Variants in PPP2R5A observed in about 807,000 individuals in gnomAD.
PPP2R5A encodes serine/threonine-protein phosphatase 2A 56 kDa regulatory subunit alpha isoform.
A neutral mutation model predicts 64.2 loss-of-function variants in PPP2R5A; 25 were observed. That is an observed-to-expected ratio of 0.39 (90% CI 0.28 to 0.54). The LOEUF (loss-of-function observed/expected upper bound fraction) is 0.54. Among genes scored for constraint, PPP2R5A ranks in the 20% least tolerant of loss-of-function variants. The probability of loss-of-function intolerance (pLI) is 0.67; values close to 1 mark genes in which losing one functional copy is unlikely to be tolerated. For synonymous variants in PPP2R5A, 198 were observed against 201.2 expected, an observed-to-expected ratio of 0.98 and a Z score of 0.13; for missense variants, 425 against 576.3, an observed-to-expected ratio of 0.74 and a Z score of 2.69.
chr1:212,318,019 T>G (rs1429254138), intron 1 of PPP2R5A, among the ~76,000 whole-genome samples: 2 of 152,160 alleles, frequency 1.3e-5, no homozygotes, highest in Non-Finnish European at 2.9e-5. Context: ...GACGTAAGAA[T>G]TTGGGAAAAA....
rs114346005 is a variant in PPP2R5A, at chr1:212,343,840, A to G, written c.573+1560A>G. ...AATTGCCTTAGTGCTTTGTTAGTCT[A>G]GAGCTTGAGGTATTTAAGCTGCTGT... On this transcript the variant is annotated intron_variant, in intron 4 of 12. Coordinates refer to ENST00000261461, the MANE Select transcript of PPP2R5A (RefSeq NM_006243.4). 4.8e-3 allele frequency among the ~76,000 whole-genome samples: 730 copies of G among 152,354 alleles called. 4 individuals carry two copies. Among genetic ancestry groups the G allele is most frequent in the African/African-American group, 0.017 (703 of 41,578 alleles).
chr1:212,360,573 CAAACAGCACCTCTCTTTGGGTTCTGAAAT>C, intron 12 of PPP2R5A, 36 bp from the exon 13 acceptor site: 2 of 1,369,346 alleles, frequency 1.5e-6, no homozygotes, highest in Non-Finnish European at 2.0e-6. Context: ...AGTAAGCTGT[CAAACAGCACCTCTCTTTGGGTTCTGAAAT>C]AATTTCTGAT....
intron 8 of PPP2R5A, 79 bp downstream of exon 8, chr1:212,349,321 AGTTATT>A (rs1659836074): frequency 2.8e-6 from 3 of 1,056,400 alleles, no homozygotes; most frequent in South Asian, 1.8e-5. Flanking sequence ...TAGCCTTTAT[AGTTATT>A]AAGTAGAATA....
rs1257941916 is a variant in PPP2R5A, at chr1:212,360,879, T to TA, written c.*109_*110insA. On this transcript the variant is annotated 3_prime_UTR_variant, in exon 13 of 13. Coordinates refer to ENST00000261461, the MANE Select transcript of PPP2R5A (RefSeq NM_006243.4). ...CAGTATAATATAATTAAAAGGCCAA[T>TA]TTTTTCTGGCAACTGTAAATGGAAA... is the stretch of plus-strand genomic sequence containing the variant. 9.1e-7 allele frequency: 1 copy of TA among 1,097,180 alleles called. No individual in the cohort carries two copies. Among genetic ancestry groups the TA allele is most frequent in the African/African-American group, 1.6e-5 (1 of 61,070 alleles). The allele number at this position is 1,097,180 out of a possible 1,614,324, so 68.0% of individuals were successfully genotyped here.
At position 212,286,984 on chromosome 1, in the gene PPP2R5A, G is replaced by T. The variant is rs558672948; in HGVS notation, c.181+693G>T. On this transcript the variant is annotated intron_variant, in intron 1 of 12. Coordinates refer to ENST00000261461, the MANE Select transcript of PPP2R5A (RefSeq NM_006243.4). ...TCTGTTGTCTGAGCCGATACACATG[G>T]TCTATTTGGAAATACGAAGGAGTAG... Among the ~76,000 whole-genome samples the T allele has an allele frequency of 1.4e-4, 21 of 152,348 alleles. No homozygotes were observed. The South Asian group carries it at 4.3e-3, about 32-fold the overall frequency.
At position 212,291,954 on chromosome 1, in the gene PPP2R5A, A is replaced by G. The variant is rs181716392; in HGVS notation, c.181+5663A>G. ...AAGTAATGATTTCAACCACTTTGGGATGTAAAACTAGTTTCCTCTGTATGC... is the reference window on the plus strand; with the variant it reads ...AAGTAATGATTTCAACCACTTTGGGGTGTAAAACTAGTTTCCTCTGTATGC... On this transcript the variant is annotated intron_variant, in intron 1 of 12. Coordinates refer to ENST00000261461, the MANE Select transcript of PPP2R5A (RefSeq NM_006243.4). 2.0e-5 allele frequency among the ~76,000 whole-genome samples: 3 copies of G among 152,332 alleles called. No homozygotes were observed. In the East Asian group the frequency reaches 5.8e-4, roughly 29 times the overall value.
In PPP2R5A at chr1:212,308,534, G is replaced by A. The variant is rs1347957937; in HGVS notation, c.182-20601G>A. On this transcript the variant is annotated intron_variant, in intron 1 of 12. Transcript: ENST00000261461. ...AGTGATTCTCCTGCCTCACCCTCTTGAGTAGTTGGGACTACAGGCACCTGC... is the reference window on the plus strand; with the variant it reads ...AGTGATTCTCCTGCCTCACCCTCTTAAGTAGTTGGGACTACAGGCACCTGC... Among the ~76,000 whole-genome samples the A allele has an allele frequency of 3.3e-5, 5 of 151,076 alleles. No homozygotes were observed. In the Admixed American group the frequency reaches 3.3e-4, roughly 10 times the overall value.
chr1:212,294,074 C>T (rs1658650256), intron 1 of PPP2R5A, among the ~76,000 whole-genome samples: 1 of 152,056 alleles, frequency 6.6e-6, no homozygotes, highest in Admixed American at 6.6e-5. Context: ...TTTTAAATGG[C>T]TTAGAACTTG....
chr1:212,291,377 C>T (rs1379716414), intron 1 of PPP2R5A, among the ~76,000 whole-genome samples: 3 of 152,234 alleles, frequency 2.0e-5, no homozygotes, highest in South Asian at 4.1e-4. Flanking sequence ...CCACTGCACC[C>T]GGCCTATACC....
At chr1:212,349,930 G>A (rs1469428976) in intron 8 of PPP2R5A, among the ~76,000 whole-genome samples, 1 of 152,192 alleles carries the variant, frequency 6.6e-6, no homozygotes, top group African/African-American at 2.4e-5. Flanking sequence ...GGTGAAGTAA[G>A]TATTTTGAGA....
At chr1:212,345,652 C>A in intron 4 of PPP2R5A, 151 bp from the exon 5 acceptor site, 1 of 582,408 alleles carries the variant, frequency 1.7e-6, no homozygotes. Context: ...TTTTCCTCAC[C>A]TTCATTACTT....
chr1:212,320,273 G>C (rs1430939942), intron 1 of PPP2R5A, among the ~76,000 whole-genome samples: 1 of 152,202 alleles, frequency 6.6e-6, no homozygotes, highest in African/African-American at 2.4e-5. Context: ...TAAGGTCACA[G>C]ATCAACGGGA....
At chr1:212,310,996 A>T (rs973509375) in intron 1 of PPP2R5A, among the ~76,000 whole-genome samples, 2 of 152,128 alleles carry the variant, frequency 1.3e-5, no homozygotes, top group African/African-American at 4.8e-5. Flanking sequence ...AAATACAGTC[A>T]TGTGCTGCAT....
chr1:212,336,595 TTAAA>T (rs2102437327), intron 3 of PPP2R5A, among the ~76,000 whole-genome samples: 1 of 152,338 alleles, frequency 6.6e-6, no homozygotes, highest in South Asian at 2.1e-4. Context: ...AATTTGGCAA[TTAAA>T]TAGTCTAAGG....
chr1:212,312,450 A>G (rs975835351), intron 1 of PPP2R5A, among the ~76,000 whole-genome samples: 24 of 152,242 alleles, frequency 1.6e-4, no homozygotes, highest in African/African-American at 5.5e-4. Flanking sequence ...GGCTATAAAA[A>G]TGGCTGTTTT....
At chr1:212,348,019 A>G in intron 6 of PPP2R5A, among the ~76,000 whole-genome samples, 1 of 152,350 alleles carries the variant, frequency 6.6e-6, no homozygotes, top group South Asian at 2.1e-4. Context: ...GTTATCCAAC[A>G]AAGTAAGAAA....
chr1:212,324,938 A>G (rs1357964203), intron 1 of PPP2R5A, among the ~76,000 whole-genome samples: 3 of 152,094 alleles, frequency 2.0e-5, no homozygotes, highest in Non-Finnish European at 4.4e-5. Flanking sequence ...TGTTGTAATA[A>G]TTCATTATTT....
intron 1 of PPP2R5A, among the ~76,000 whole-genome samples, chr1:212,292,763 CTA>C (rs1227658900): frequency 6.6e-6 from 1 of 152,186 alleles, no homozygotes; most frequent in Non-Finnish European, 1.5e-5. Flanking sequence ...CAAGTTCTCG[CTA>C]TGTTGTCCTG....
intron 1 of PPP2R5A, among the ~76,000 whole-genome samples, chr1:212,289,125 G>A (rs1025269441): frequency 1.3e-5 from 2 of 152,146 alleles, no homozygotes; most frequent in South Asian, 2.1e-4. Context: ...ATTCTGGAAG[G>A]CTTGGTTTGG....
Sources: allele counts gnomAD v4.1 joint callset (sites outside exome capture counted in the v4.1 genomes callset), GRCh38; gene constraint gnomAD v4.1.1; transcripts MANE v1.5; gene names NCBI Gene and HGNC (gene_info 2026-07-23, HGNC 2026-07-21).